The following AP3B1 variants were observed in gnomAD, a reference collection of about 807,000 sequenced individuals.
The protein encoded by AP3B1 is AP-3 complex subunit beta-1.
AP3B1 carries 61 observed loss-of-function variants against 132.5 expected under a neutral mutation model. The observed-to-expected ratio is 0.46, with a 90% CI of 0.37 to 0.57. The LOEUF (loss-of-function observed/expected upper bound fraction) is 0.57. AP3B1 is among the 20% of genes least tolerant of loss of function. AP3B1 has a pLI of 0.00. For synonymous variants in AP3B1, 388 were observed against 438.3 expected (o/e 0.89, Z 1.43); for missense variants, 1,120 against 1,289.4 (o/e 0.87, Z 2.01).
At chr5:78,250,807 GA>G (rs1747600076) in intron 2 of AP3B1, among the ~76,000 whole-genome samples, 1 of 151,978 alleles carries the variant, frequency 6.6e-6, no homozygotes, top group Non-Finnish European at 1.5e-5. Context: ...GAATAGCAAA[GA>G]AAATTTTCAG....
In AP3B1 at chr5:78,241,344, A is replaced by G. The variant is rs535180212; in HGVS notation, c.205-408T>C. On this transcript the variant is annotated intron_variant, in intron 2 of 26. Transcript: ENST00000255194. ...TCAGCTGAGGCTACAGGCGTATGTC[A>G]TCATGCCTGGCTAATTTTCGAATTT... Among the ~76,000 whole-genome samples, 22 of 152,162 alleles carry G rather than the reference A, an allele frequency of 1.4e-4. No homozygotes were observed. In the East Asian group the frequency reaches 4.3e-3, roughly 29 times the overall value.
At chr5:78,227,059 G>A (rs1746427518) in intron 5 of AP3B1, among the ~76,000 whole-genome samples, 1 of 151,972 alleles carries the variant, frequency 6.6e-6, no homozygotes, top group African/African-American at 2.4e-5. Context: ...AATAATACAA[G>A]CATATGTGTA....
At chr5:78,231,442 G>A (rs758455671) in intron 3 of AP3B1, among the ~76,000 whole-genome samples, 63 of 152,114 alleles carry the variant, frequency 4.1e-4, no homozygotes, top group Non-Finnish European at 7.4e-4. Context: ...CCAAAGTGCT[G>A]GGATTATAGG....
At position 78,097,000 on chromosome 5, in the gene AP3B1, C is replaced by T. The variant is rs1282930722; in HGVS notation, c.2470+3953G>A. On this transcript the variant is annotated intron_variant, in intron 21 of 26. Coordinates refer to ENST00000255194, the MANE Select transcript of AP3B1 (RefSeq NM_003664.5). ...CCTCTGCCCGGCCAGCCGCCCTGTC[C>T]GGGAGGGAGGTGGGGGGGTCAGCCC... is the stretch of plus-strand genomic sequence containing the variant. Among the ~76,000 whole-genome samples the T allele has an allele frequency of 3.1e-5, 4 of 131,098 alleles. 1 individual carries two copies. Among genetic ancestry groups the T allele is most frequent in the Non-Finnish European group, 6.4e-5 (4 of 62,502 alleles). The allele number at this position is 131,098 out of a possible 152,430, so 86.0% of individuals were successfully genotyped here.
intron 11 of AP3B1, among the ~76,000 whole-genome samples, chr5:78,174,799 C>T (rs533429541): frequency 6.6e-6 from 1 of 152,352 alleles, no homozygotes; most frequent in East Asian, 1.9e-4. Context: ...TTGTCTGCTG[C>T]CTTGTGTTCA....
intron 22 of AP3B1, among the ~76,000 whole-genome samples, chr5:78,085,121 GA>G (rs1214208132): frequency 1.3e-5 from 2 of 152,154 alleles, no homozygotes; most frequent in African/African-American, 2.4e-5. Flanking sequence ...TACATATTTT[GA>G]TGGCTTTTTA....
chr5:78,102,905 C>G (rs1407164740), intron 20 of AP3B1, among the ~76,000 whole-genome samples: 1 of 152,106 alleles, frequency 6.6e-6, no homozygotes, highest in Non-Finnish European at 1.5e-5. Flanking sequence ...TAACACAGAA[C>G]AGAGCTGCAT....
chr5:78,081,296 C>T (rs999953241), intron 22 of AP3B1, among the ~76,000 whole-genome samples: 1 of 145,438 alleles, frequency 6.9e-6, no homozygotes, highest in Non-Finnish European at 1.5e-5. Context: ...CACAGCATTA[C>T]TTCATTTTTT....
intron 2 of AP3B1, among the ~76,000 whole-genome samples, chr5:78,260,770 C>T (rs1166070296): frequency 6.6e-6 from 1 of 152,140 alleles, no homozygotes; most frequent in Non-Finnish European, 1.5e-5. Flanking sequence ...CAATTTCTCG[C>T]TTTCCCCCTA....
chr5:78,235,665 T>G (rs1161059068), intron 3 of AP3B1, among the ~76,000 whole-genome samples: 1 of 152,234 alleles, frequency 6.6e-6, no homozygotes, highest in Non-Finnish European at 1.5e-5. Flanking sequence ...TACATCATTC[T>G]CTGATCGGTT....
At chr5:78,202,552 AGTGTGTGTGT>A (rs36209977) in intron 7 of AP3B1, among the ~76,000 whole-genome samples, 35,168 of 146,080 alleles carry the variant, frequency 0.24, 4,331 homozygotes, top group Middle Eastern at 0.29. Context: ...CCATATATTC[AGTGTGTGTGT>A]GTGTGTGTGT....
chr5:78,291,984 T>C (rs1023818489), intron 1 of AP3B1, among the ~76,000 whole-genome samples: 2 of 152,140 alleles, frequency 1.3e-5, no homozygotes, highest in South Asian at 4.1e-4. Flanking sequence ...AATACGTATA[T>C]GTGCCTGAAT....
chr5:78,239,663 C>T (rs1747035977), intron 3 of AP3B1, among the ~76,000 whole-genome samples: 1 of 150,742 alleles, frequency 6.6e-6, no homozygotes, highest in Admixed American at 6.6e-5. Flanking sequence ...CCTGTAGTCC[C>T]AGCTACTTGT....
chr5:78,081,173 T>G (rs1393718193), intron 22 of AP3B1, among the ~76,000 whole-genome samples: 2 of 152,144 alleles, frequency 1.3e-5, no homozygotes, highest in African/African-American at 4.8e-5. Flanking sequence ...CTTAACCCAC[T>G]GATATTTGGC....
At chr5:78,106,497 G>A (rs899652534) in intron 20 of AP3B1, among the ~76,000 whole-genome samples, 1 of 151,504 alleles carries the variant, frequency 6.6e-6, no homozygotes, top group Admixed American at 6.6e-5. Flanking sequence ...AACACAAGGT[G>A]GGTAGGGTTA....
At chr5:78,061,884 T>C (rs558023504) in intron 22 of AP3B1, among the ~76,000 whole-genome samples, 4 of 152,318 alleles carry the variant, frequency 2.6e-5, no homozygotes, top group African/African-American at 9.6e-5. Context: ...AGGAAGCTGA[T>C]TGAAGGGGTC....
intron 2 of AP3B1, among the ~76,000 whole-genome samples, chr5:78,250,889 A>T (rs1335870605): frequency 6.6e-6 from 1 of 152,138 alleles, no homozygotes; most frequent in Non-Finnish European, 1.5e-5. Flanking sequence ...TTCTAAACTG[A>T]CTTCAATGCC....
intron 7 of AP3B1, among the ~76,000 whole-genome samples, chr5:78,195,078 A>AT (rs397708779): frequency 1.8e-4 from 28 of 151,664 alleles, no homozygotes; most frequent in African/African-American, 6.5e-4. Context: ...AAAAAAAAAA[A>AT]TTTAAAAAAA....
chr5:78,145,712 T>C (rs1262884432), intron 14 of AP3B1, among the ~76,000 whole-genome samples: 2 of 152,192 alleles, frequency 1.3e-5, no homozygotes, highest in Non-Finnish European at 2.9e-5. Flanking sequence ...CCTCCTGCCA[T>C]TTCCCCAAGA....
Sources: gnomAD v4.1 joint callset for allele counts (sites outside exome capture counted in the v4.1 genomes callset) on GRCh38, gnomAD v4.1.1 for gene constraint, MANE v1.5 for transcripts, NCBI Gene and HGNC (gene_info 2026-07-23, HGNC 2026-07-21) for gene names.